CDC40: variants seen among roughly 807,000 people sequenced by gnomAD.
CDC40 encodes the protein pre-mRNA-processing factor 17.
CDC40 carries 27 observed loss-of-function variants against 80.6 expected under a neutral mutation model. The observed-to-expected ratio is 0.33, with a 90% CI of 0.25 to 0.46. CDC40 has a LOEUF of 0.46. Ranked by LOEUF, CDC40 falls within the 20% of genes least tolerant of loss-of-function variation. CDC40 has a pLI of 1.00. For synonymous variants in CDC40, 221 were observed against 232.6 expected, an observed-to-expected ratio of 0.95 and a Z score of 0.45; for missense variants, 486 against 694.1, an observed-to-expected ratio of 0.70 and a Z score of 3.37.
chr6:110,218,821 ATTTTTTT>A (rs71865877), intron 10 of CDC40, among the ~76,000 whole-genome samples: 3 of 134,134 alleles, frequency 2.2e-5, no homozygotes, highest in Non-Finnish European at 3.2e-5. Flanking sequence ...ATATTCAGTG[ATTTTTTT>A]TTTTTTTTTT....
intron 8 of CDC40, among the ~76,000 whole-genome samples, chr6:110,214,131 CTAATAGCT>C (rs1362044426): frequency 1.4e-4 from 22 of 152,094 alleles, no homozygotes; most frequent in Admixed American, 5.9e-4. Flanking sequence ...GCATTTGTCT[CTAATAGCT>C]TAAAATGACA....
At position 110,180,494 on chromosome 6, in the gene CDC40, G is replaced by C. The variant is rs1214817783; in HGVS notation, c.50G>C (p.Gly17Ala). The C allele has an allele frequency of 6.2e-7, 1 of 1,614,172 alleles. No homozygotes were observed. The highest frequency in any genetic ancestry group is 2.2e-5 in the East Asian group (1 of 44,880). Reference protein sequence around the residue: ...ALAASYGSGSGSESDSDSESS... With the variant: ...ALAASYGSGSASESDSDSESS... ...GCCGCTTCCTATGGTTCGGGTTCAG[G>C]GTCCGAATCGGACTCGGACAGTGAG... is the stretch of plus-strand genomic sequence containing the variant. Residue 17 changes from glycine (G) to alanine (A), a missense_variant, in exon 1 of 15, where the codon GGG (glycine) becomes GCG (alanine). Gly to Ala is a moderately conservative substitution (Grantham distance 60, BLOSUM62 0). Transcript: ENST00000307731.
chr6:110,183,173 A>G (rs185255024), intron 1 of CDC40, among the ~76,000 whole-genome samples: 49 of 152,168 alleles, frequency 3.2e-4, no homozygotes, highest in African/African-American at 1.2e-3. Flanking sequence ...TAGCCCCTTT[A>G]TCATATCTTA....
At chr6:110,220,621 T>G (rs1344958718) in intron 12 of CDC40, among the ~76,000 whole-genome samples, 1 of 151,460 alleles carries the variant, frequency 6.6e-6, no homozygotes, top group Non-Finnish European at 1.5e-5. Context: ...ATTTTTTGTA[T>G]TTTTTAGTAG....
In CDC40 at chr6:110,219,435, C is replaced by G; in HGVS notation, c.1162C>G (p.Gln388Glu). The change falls in exon 11 of 15, where the codon CAA becomes GAA. Residue 388 changes from glutamine (Q) to glutamate (E), a missense_variant. Coordinates refer to ENST00000307731, the MANE Select transcript of CDC40 (RefSeq NM_015891.3). ...CVKFNPDEDKQNLFVAGMSDK... is the reference protein window; with the variant it reads ...CVKFNPDEDKENLFVAGMSDK... ...CAAATTCAATCCTGATGAAGATAAG[C>G]AAAATCTCTTTGTGGCTGGGATGTC... The G allele has an allele frequency of 6.2e-7, 1 of 1,609,670 alleles. No homozygotes were observed. Among genetic ancestry groups the G allele is most frequent in the Non-Finnish European group, 8.5e-7 (1 of 1,176,654 alleles).
intron 10 of CDC40, 115 bp downstream of exon 10, chr6:110,217,918 C>A: frequency 1.8e-6 from 1 of 565,948 alleles, no homozygotes; most frequent in South Asian, 2.0e-5. Flanking sequence ...ATTCTCATAC[C>A]ATTCACTGTC....
rs1479434543 is a variant in CDC40 at position 110,193,069 on chromosome 6, TAA to T, written c.190-112_190-111del. On this transcript the variant is annotated intron_variant, in intron 1 of 14. Transcript: ENST00000307731. ...TTTATTAGAATTATTAATCATATGATAAGTTATAACCATAAAATAGATGTTAA... is the reference window on the plus strand; with the variant it reads ...TTTATTAGAATTATTAATCATATGATGTTATAACCATAAAATAGATGTTAA... 1.2e-5 allele frequency: 7 copies of T among 582,120 alleles called. No homozygotes were observed. In the Admixed American group the frequency reaches 1.2e-4, roughly 10 times the overall value. 36.1% of individuals were successfully genotyped at this position (582,120 alleles called of 1,614,324 possible).
intron 1 of CDC40, 84 bp downstream of exon 1, chr6:110,180,717 C>T: frequency 1.0e-6 from 1 of 968,312 alleles, no homozygotes; most frequent in Non-Finnish European, 1.6e-6. Context: ...TACCGGGTTA[C>T]CTCTTTCTCA....
At chr6:110,201,526 T>A (rs1288012529) in intron 2 of CDC40, 32 bp from the exon 3 acceptor site, 14 of 1,526,300 alleles carry the variant, frequency 9.2e-6, no homozygotes, top group Non-Finnish European at 1.2e-5. Context: ...TCTTTCTTAT[T>A]TTATTTTATT....
intron 3 of CDC40, among the ~76,000 whole-genome samples, chr6:110,203,727 C>A (rs1161960071): frequency 1.3e-5 from 2 of 152,094 alleles, no homozygotes; most frequent in Non-Finnish European, 2.9e-5. Flanking sequence ...TGTGTCATCC[C>A]GTTTACTTAC....
rs568531069 is a variant in CDC40, at chr6:110,214,306, G to A, written c.943-980G>A. On this transcript the variant is annotated intron_variant, in intron 8 of 14. Transcript: ENST00000307731. ...TATAAACATTCTATTATGTGCAGGG[G>A]ACTGAAAGTAAAAGCTTATAAAGGC... is the stretch of plus-strand genomic sequence containing the variant. 3.9e-5 allele frequency among the ~76,000 whole-genome samples: 6 copies of A among 152,246 alleles called. No individual in the cohort carries two copies. In the South Asian group the frequency reaches 1.2e-3, roughly 32 times the overall value.
chr6:110,216,495 G>C (rs112511253), intron 9 of CDC40, among the ~76,000 whole-genome samples: 2,673 of 152,252 alleles, frequency 0.018, 77 homozygotes, highest in African/African-American at 0.06. Context: ...AGATAGAGTG[G>C]ATTTGGTCCG....
At chr6:110,199,684 A>C (rs532952394) in intron 2 of CDC40, among the ~76,000 whole-genome samples, 98 of 152,286 alleles carry the variant, frequency 6.4e-4, no homozygotes, top group African/African-American at 2.3e-3. Context: ...ATTAAATAAG[A>C]ATATGGAAAT....
At chr6:110,227,896 A>G (rs979509345) in intron 13 of CDC40, among the ~76,000 whole-genome samples, 1 of 152,198 alleles carries the variant, frequency 6.6e-6, no homozygotes, top group Non-Finnish European at 1.5e-5. Flanking sequence ...CCAATTCCCA[A>G]CAGATACCAA....
At position 110,219,799 on chromosome 6, in the gene CDC40, A is replaced by G. The variant is rs1470639808; in HGVS notation, c.1270A>G (p.Ile424Val). The G allele has an allele frequency of 1.2e-6, 2 of 1,613,924 alleles. No individual in the cohort carries two copies. Among genetic ancestry groups the G allele is most frequent in the Admixed American group, 1.7e-5 (1 of 60,000 alleles). The change falls in exon 12 of 15, where the codon ATT (isoleucine) becomes GTT (valine). Residue 424 changes from isoleucine (I) to valine (V), a missense_variant. Coordinates refer to ENST00000307731, the MANE Select transcript of CDC40 (RefSeq NM_015891.3). Reference protein sequence around the residue: ...YDRHLGAVNTIVFVDENRRFV... With the variant: ...YDRHLGAVNTVVFVDENRRFV... ...TCGGCATTTGGGAGCTGTCAACACC[A>G]TTGTTTTTGTGGATGAGAATAGGAG...
intron 2 of CDC40, chr6:110,198,840 T>G (rs544433226): frequency 6.6e-6 from 1 of 152,322 alleles, no homozygotes; most frequent in East Asian, 1.9e-4. Context: ...TACCAAAACT[T>G]GAAGTGTTTG....
At chr6:110,203,841 A>C (rs1777523361) in intron 3 of CDC40, among the ~76,000 whole-genome samples, 1 of 152,256 alleles carries the variant, frequency 6.6e-6, no homozygotes, top group East Asian at 1.9e-4. Flanking sequence ...CTCCCCTGCC[A>C]GTCTTACTTG....
intron 2 of CDC40, among the ~76,000 whole-genome samples, chr6:110,200,546 A>G (rs879378553): frequency 6.6e-6 from 1 of 152,206 alleles, no homozygotes; most frequent in Non-Finnish European, 1.5e-5. Context: ...GGATTTTCCC[A>G]GTACCTTTTA....
intron 5 of CDC40, among the ~76,000 whole-genome samples, chr6:110,210,467 C>G (rs1376950331): frequency 6.8e-6 from 1 of 147,136 alleles, no homozygotes; most frequent in Non-Finnish European, 1.5e-5. Flanking sequence ...AGGAGAATTG[C>G]TTGAACTAGG....
Sources: allele counts gnomAD v4.1 joint callset (sites outside exome capture counted in the v4.1 genomes callset), GRCh38; gene constraint gnomAD v4.1.1; transcripts MANE v1.5; gene names NCBI Gene and HGNC (gene_info 2026-07-23, HGNC 2026-07-21).